The following BICD1 variants were observed in gnomAD, a reference collection of about 807,000 sequenced individuals.
BICD1 encodes the protein protein bicaudal D homolog 1.
BICD1 carries 35 observed loss-of-function variants against 92.5 expected under a neutral mutation model. The ratio of observed to expected loss-of-function variants is 0.38; its 90% CI spans 0.29 to 0.50. The LOEUF (loss-of-function observed/expected upper bound fraction) is 0.50, where lower values mean the gene tolerates loss of function less well. Ranked by LOEUF, BICD1 falls within the 20% of genes least tolerant of loss-of-function variation. BICD1 has a pLI of 0.93. For missense variants in BICD1, 950 were observed against 1,189.8 expected, an observed-to-expected ratio of 0.80 and a Z score of 2.97; for synonymous variants, 429 against 465.1, an observed-to-expected ratio of 0.92 and a Z score of 1.00.
intron 4 of BICD1, among the ~76,000 whole-genome samples, chr12:32,316,151 A>G (rs1403404567): frequency 7.3e-6 from 1 of 136,086 alleles, no homozygotes; most frequent in Non-Finnish European, 1.6e-5. Flanking sequence ...AAAAAAAAAA[A>G]AAGGCTTTGA....
At chr12:32,345,276 GA>G (rs1219058654) in intron 8 of BICD1, among the ~76,000 whole-genome samples, 2,473 of 83,156 alleles carry the variant, frequency 0.03, 61 homozygotes, top group African/African-American at 0.092. Flanking sequence ...CCCTGTCTCA[GA>G]AAAAAAAAAA....
At chr12:32,147,660 C>T (rs1592374785) in intron 1 of BICD1, among the ~76,000 whole-genome samples, 1 of 152,018 alleles carries the variant, frequency 6.6e-6, no homozygotes, top group East Asian at 1.9e-4. Flanking sequence ...TGAATAAGTA[C>T]ACAATAATTT....
At chr12:32,107,888 C>T in intron 1 of BICD1, 1 of 593,124 alleles carries the variant, frequency 1.7e-6, no homozygotes, top group Admixed American at 2.8e-5. Context: ...ATCTCAAACC[C>T]AGGTTTCAGC....
rs201005970 is a variant in BICD1 at position 32,272,167 on chromosome 12, AAAT to A, written c.427-21826_427-21824del. On this transcript the variant is annotated intron_variant, in intron 2 of 9. Coordinates refer to ENST00000652176, the MANE Select transcript of BICD1 (RefSeq NM_001714.4). ...ACTGAGAAATTTCTTTTCAATGTAT[AAAT>A]CATATACATGTTGCTCCTGGACAAA... Among the ~76,000 whole-genome samples the A allele has an allele frequency of 2.0e-5, 3 of 152,172 alleles. No homozygotes were observed. The East Asian group carries it at 5.8e-4, about 29-fold the overall frequency.
chr12:32,285,726 T>G (rs1206060847), intron 2 of BICD1, among the ~76,000 whole-genome samples: 11 of 152,196 alleles, frequency 7.2e-5, no homozygotes, highest in Non-Finnish European at 1.3e-4. Flanking sequence ...GGTGAAAAGC[T>G]AAAGCATTCC....
At chr12:32,118,091 A>ATTTTATTTTATTTTATTTTTTT (rs1555126592) in intron 1 of BICD1, among the ~76,000 whole-genome samples, 13 of 46,866 alleles carry the variant, frequency 2.8e-4, no homozygotes, top group African/African-American at 6.0e-4. Context: ...TATTTTATTT[A>ATTTTATTTTATTTTATTTTTTT]TTTTTTTTGA....
In BICD1 at chr12:32,126,479, G is replaced by A. The variant is rs182727155; in HGVS notation, c.213+18935G>A. On this transcript the variant is annotated intron_variant, in intron 1 of 9. Coordinates refer to ENST00000652176, the MANE Select transcript of BICD1 (RefSeq NM_001714.4). ...CTTAAAAAAAAAAAAGTTGCTGGCC[G>A]GGTATGGTGGCTCACACCTGTAATC... 7.2e-3 allele frequency among the ~76,000 whole-genome samples: 1,098 copies of A among 152,056 alleles called. 7 individuals carry two copies. Among genetic ancestry groups the A allele is most frequent in the Non-Finnish European group, 0.012 (809 of 67,990 alleles).
Position 32,383,259 on chromosome 12 carries a change from G to A in BICD1, c.*5632G>A, listed in dbSNP as rs1940247868. On this transcript the variant is annotated 3_prime_UTR_variant, in exon 10 of 10. Coordinates refer to ENST00000652176, the MANE Select transcript of BICD1 (RefSeq NM_001714.4). ...TTCCACCTACTGATAAATACCATAT[G>A]AAAACACGACTAAAAGACTGATTTA... 1 of 152,108 alleles carries A rather than the reference G, an allele frequency of 6.6e-6. No homozygotes were observed. The highest frequency in any genetic ancestry group is 6.5e-5 in the Admixed American group (1 of 15,276). The allele number at this position is 152,108 out of a possible 1,614,324, so 9.4% of individuals were successfully genotyped here. A position where few individuals can be genotyped will look rare whatever the true frequency, so the allele number is the denominator to read the frequency against.
At chr12:32,239,166 G>T (rs1333481051) in intron 2 of BICD1, among the ~76,000 whole-genome samples, 17 of 150,200 alleles carry the variant, frequency 1.1e-4, no homozygotes. Context: ...AGAATGGCGT[G>T]AACCTGGCAG....
chr12:32,188,184 C>T (rs547548242), intron 1 of BICD1, among the ~76,000 whole-genome samples: 1 of 152,268 alleles, frequency 6.6e-6, no homozygotes, highest in African/African-American at 2.4e-5. Context: ...GTGATCCACC[C>T]ACCTCGGCCT....
intron 8 of BICD1, among the ~76,000 whole-genome samples, chr12:32,347,240 T>C (rs1047460925): frequency 2.7e-5 from 4 of 150,496 alleles, no homozygotes; most frequent in Non-Finnish European, 5.9e-5. Context: ...CATGAGCCAC[T>C]GCGCCCTGCC....
At position 32,382,980 on chromosome 12, in the gene BICD1, A is replaced by G. The variant is rs900739961; in HGVS notation, c.*5353A>G. On this transcript the variant is annotated 3_prime_UTR_variant, in exon 10 of 10. Coordinates refer to ENST00000652176, the MANE Select transcript of BICD1 (RefSeq NM_001714.4). ...AATGTTAAAGCTCAATGGTTTGACT[A>G]TGAGAGTCAAACAATTACTATTTGA... The G allele has an allele frequency of 1.3e-5, 2 of 152,108 alleles. No individual in the cohort carries two copies. The highest frequency in any genetic ancestry group is 2.9e-5 in the Non-Finnish European group (2 of 67,954). The allele number at this position is 152,108 out of a possible 1,614,324, so 9.4% of individuals were successfully genotyped here. A position where few individuals can be genotyped will look rare whatever the true frequency, so the allele number is the denominator to read the frequency against.
chr12:32,166,117 TATTTATTTATTTATTTATTTA>T (rs1943757188), intron 1 of BICD1, among the ~76,000 whole-genome samples: 1 of 30,038 alleles, frequency 3.3e-5, no homozygotes, highest in Non-Finnish European at 1.0e-4. Context: ...TTTATTTATT[TATTTATTTATTTATTTATTTA>T]TTTATTTATT....
In BICD1 at chr12:32,327,873, C is replaced by T. The variant is rs1450479522; in HGVS notation, c.1418C>T (p.Thr473Ile). 1.2e-6 allele frequency: 2 copies of T among 1,614,090 alleles called. No homozygotes were observed. The highest frequency in any genetic ancestry group is 1.7e-6 in the Non-Finnish European group (2 of 1,180,008). ...CAGGTGACAAGCCTTGAGAAGACCA[C>T]CAAGGAGAGTGGTGAGAAGATGGCC... ...DEQVTSLEKT[T>I]KESGEKMAHM... Residue 473 changes from threonine to isoleucine, a missense_variant, in exon 5 of 10, where the codon ACC (threonine) becomes ATC (isoleucine). By Grantham distance (89) the Thr-to-Ile change is moderately conservative. Transcript: ENST00000652176.
rs187927318 is a variant in BICD1 at position 32,136,756 on chromosome 12, A to G, written c.213+29212A>G. Among the ~76,000 whole-genome samples, 442 of 152,294 alleles carry G rather than the reference A, an allele frequency of 2.9e-3. 1 individual carries two copies. The highest frequency in any genetic ancestry group is 6.8e-3 in the Middle Eastern group (2 of 294). On this transcript the variant is annotated intron_variant, in intron 1 of 9. Transcript: ENST00000652176. ...GCCATTTTGATAAATACATGAATTA[A>G]TGAGTGAGTTTCGAGAGTAGGGGGA... is the stretch of plus-strand genomic sequence containing the variant.
intron 2 of BICD1, among the ~76,000 whole-genome samples, chr12:32,247,388 G>C (rs964194214): frequency 6.6e-6 from 1 of 152,154 alleles, no homozygotes; most frequent in Non-Finnish European, 1.5e-5. Context: ...CATGGGCTTG[G>C]AGGAGATAAC....
At chr12:32,269,936 A>G (rs1947092772) in intron 2 of BICD1, among the ~76,000 whole-genome samples, 1 of 151,800 alleles carries the variant, frequency 6.6e-6, no homozygotes, top group African/African-American at 2.4e-5. Flanking sequence ...AGCCTGGCCA[A>G]CGTAGCAAAA....
At chr12:32,163,434 A>T (rs923158869) in intron 1 of BICD1, among the ~76,000 whole-genome samples, 4 of 152,126 alleles carry the variant, frequency 2.6e-5, no homozygotes, top group African/African-American at 9.7e-5. Flanking sequence ...AATAACATTA[A>T]ATCACCTATA....
chr12:32,289,707 T>A (rs1211682136), intron 2 of BICD1, among the ~76,000 whole-genome samples: 1 of 152,244 alleles, frequency 6.6e-6, no homozygotes, highest in Non-Finnish European at 1.5e-5. Flanking sequence ...TTATAGAGGA[T>A]GATTGGGCGT....
Sources: gnomAD v4.1 joint callset for allele counts (sites outside exome capture counted in the v4.1 genomes callset) on GRCh38, gnomAD v4.1.1 for gene constraint, MANE v1.5 for transcripts, NCBI Gene and HGNC (gene_info 2026-07-23, HGNC 2026-07-21) for gene names.